Variants in RGS20 observed in about 807,000 individuals in gnomAD.
RGS20 encodes the protein gz-selective GTPase-activating protein.
RGS20 carries 30 observed loss-of-function variants against 33.6 expected under a neutral mutation model. The ratio of observed to expected loss-of-function variants is 0.89; its 90% CI spans 0.67 to 1.21. RGS20 has a LOEUF of 1.21. Among genes scored for constraint, RGS20 ranks in the 50% most tolerant of loss-of-function variants. The pLI is 0.00. For missense variants in RGS20, 472 were observed against 502.4 expected (o/e 0.94, Z 0.58); for synonymous variants, 208 against 197.9 (o/e 1.05, Z -0.43).
chr8:53,944,338 G>A (rs1293032691), intron 3 of RGS20, among the ~76,000 whole-genome samples: 1 of 152,132 alleles, frequency 6.6e-6, no homozygotes, highest in Non-Finnish European at 1.5e-5. Context: ...AGCAATTCAA[G>A]ACCAGCAGGA....
At chr8:53,864,155 G>A (rs1811869720) in intron 1 of RGS20, among the ~76,000 whole-genome samples, 1 of 151,986 alleles carries the variant, frequency 6.6e-6, no homozygotes, top group African/African-American at 2.4e-5. Context: ...TCAGATCATG[G>A]TGGCTCACAC....
At chr8:53,939,814 C>T (rs2129290146) in intron 3 of RGS20, 90 bp downstream of exon 2, 1 of 1,411,822 alleles carries the variant, frequency 7.1e-7, no homozygotes, top group Non-Finnish European at 9.5e-7. Flanking sequence ...AAAGTGGTGG[C>T]AGCTTATGGT....
Position 53,865,413 on chromosome 8 carries a change from C to A in RGS20, c.165+13349C>A, listed in dbSNP as rs564950721. Among the ~76,000 whole-genome samples the A allele has an allele frequency of 5.9e-5, 9 of 152,316 alleles. No homozygotes were observed. The South Asian group carries it at 1.9e-3, about 32-fold the overall frequency. On this transcript the variant is annotated intron_variant, in intron 1 of 5. Coordinates refer to ENST00000297313, the MANE Select transcript of RGS20 (RefSeq NM_170587.4). ...AGATGCATTGTTTAGAAATGTAAAA[C>A]CACATCTATCAAAAAACATTTTTAT...
At chr8:53,880,919 C>T (rs1207752704) in intron 2 of RGS20, 2 of 1,542,556 alleles carry the variant, frequency 1.3e-6, no homozygotes, top group Non-Finnish European at 8.7e-7. Context: ...GAGCAAAGAC[C>T]GAGAGCCGGA....
At position 53,884,191 on chromosome 8, in the gene RGS20, C is replaced by CTTTTTTTT. The variant is rs4014055; in HGVS notation, c.510+4604_510+4611dup. Among the ~76,000 whole-genome samples, 455 of 103,456 alleles carry CTTTTTTTT rather than the reference C, an allele frequency of 4.4e-3. 40 individuals carry two copies. Among genetic ancestry groups the CTTTTTTTT allele is most frequent in the African/African-American group, 0.019 (427 of 22,096 alleles). The allele number at this position is 103,456 out of a possible 152,430, so 67.9% of individuals were successfully genotyped here. A position where few individuals can be genotyped will look rare whatever the true frequency, so the allele number is the denominator to read the frequency against. ...CCATCATCCAAATTAGAAAAACAGT[C>CTTTTTTTT]TTTTTTTTTTTTTTTTTTTTTTGAT... On this transcript the variant is annotated intron_variant, in intron 2 of 5. Transcript: ENST00000297313.
At chr8:53,932,683 G>C (rs887221382) in intron 2 of RGS20, among the ~76,000 whole-genome samples, 4 of 152,236 alleles carry the variant, frequency 2.6e-5, no homozygotes, top group Non-Finnish European at 5.9e-5. Context: ...CCTGGGGGAA[G>C]GGGCAGCTAT....
chr8:53,885,848 T>C (rs1277888245), intron 2 of RGS20, among the ~76,000 whole-genome samples: 1 of 150,586 alleles, frequency 6.6e-6, no homozygotes, highest in Non-Finnish European at 1.5e-5. Context: ...TACCCTACTC[T>C]TGAATACTTT....
At chr8:53,923,596 A>G (rs894915135) in intron 2 of RGS20, among the ~76,000 whole-genome samples, 1 of 149,970 alleles carries the variant, frequency 6.7e-6, no homozygotes, top group Non-Finnish European at 1.5e-5. Flanking sequence ...CTCTGTCTCA[A>G]AAAAAAAAAA....
rs143121150 is a variant in RGS20 at position 53,952,657 on chromosome 8, C to T, written c.744-1419C>T. ...AGGAGAATCACTTGAACCCGGAAGG[C>T]GGAGGTTGCAGTGAGCCGAGATCGT... is the stretch of plus-strand genomic sequence containing the variant. On this transcript the variant is annotated intron_variant, in intron 4 of 5. Transcript: ENST00000297313. 4.8e-3 allele frequency among the ~76,000 whole-genome samples: 734 copies of T among 151,838 alleles called. 2 individuals carry two copies. The highest frequency in any genetic ancestry group is 0.017 in the African/African-American group (702 of 41,426).
chr8:53,862,570 C>T (rs1811833322), intron 1 of RGS20, among the ~76,000 whole-genome samples: 1 of 152,158 alleles, frequency 6.6e-6, no homozygotes, highest in African/African-American at 2.4e-5. Context: ...CCCTGTAATG[C>T]CAGCACTTTA....
intron 2 of RGS20, among the ~76,000 whole-genome samples, chr8:53,901,228 C>T (rs749226431): frequency 7.2e-5 from 11 of 151,926 alleles, no homozygotes; most frequent in African/African-American, 1.9e-4. Flanking sequence ...TCACCACGCC[C>T]GGCTAATTTT....
chr8:53,860,654 T>C lies in RGS20; in HGVS notation c.165+8590T>C, dbSNP rs1052940509. Among the ~76,000 whole-genome samples the C allele has an allele frequency of 3.9e-5, 6 of 152,284 alleles. No homozygotes were observed. In the East Asian group the frequency reaches 1.2e-3, roughly 29 times the overall value. ...GAGAGAGGATCTGGCCCAGTATAGA[T>C]GTGGTCTCTGTCTCAAGATCCATCA... On this transcript the variant is annotated intron_variant, in intron 1 of 5. Transcript: ENST00000297313.
rs543198027 is a variant in RGS20 at position 53,870,467 on chromosome 8, A to G, written c.166-8791A>G. 6.6e-5 allele frequency among the ~76,000 whole-genome samples: 10 copies of G among 152,372 alleles called. No homozygotes were observed. The South Asian group carries it at 1.4e-3, about 22-fold the overall frequency. On this transcript the variant is annotated intron_variant, in intron 1 of 5. Coordinates refer to ENST00000297313, the MANE Select transcript of RGS20 (RefSeq NM_170587.4). ...GCATATGAGACTAATGCCTGCATGC[A>G]TCATTATCGTATGGAATAAATAATG...
At position 53,957,348 on chromosome 8, in the gene RGS20, G is replaced by A. The variant is rs901876917; in HGVS notation, c.979-922G>A. Among the ~76,000 whole-genome samples the A allele has an allele frequency of 6.6e-5, 10 of 152,276 alleles. No homozygotes were observed. The East Asian group carries it at 9.7e-4, about 15-fold the overall frequency. On this transcript the variant is annotated intron_variant, in intron 5 of 5. Coordinates refer to ENST00000297313, the MANE Select transcript of RGS20 (RefSeq NM_170587.4). ...TTGCCATGTTGGCCAGGCTGGTTTC[G>A]AACTCCACAGCGCTGGGATTACAGG...
At chr8:53,907,395 G>A (rs1380391622) in intron 2 of RGS20, among the ~76,000 whole-genome samples, 1 of 152,036 alleles carries the variant, frequency 6.6e-6, no homozygotes, top group Non-Finnish European at 1.5e-5. Context: ...GACCAGCCTG[G>A]CCAACATGGT....
intron 1 of RGS20, among the ~76,000 whole-genome samples, chr8:53,873,775 A>T (rs920229706): frequency 6.6e-6 from 1 of 152,254 alleles, no homozygotes; most frequent in Non-Finnish European, 1.5e-5. Flanking sequence ...CTATAGAAAA[A>T]AAACTGTATT....
In RGS20 at chr8:53,948,615, TG is replaced by T. The variant is rs1563432640; in HGVS notation, c.743+1868del. 1.5e-4 allele frequency among the ~76,000 whole-genome samples: 17 copies of T among 117,034 alleles called. No individual in the cohort carries two copies. In the Admixed American group the frequency reaches 1.5e-3, roughly 10 times the overall value. The allele number at this position is 117,034 out of a possible 152,430, so 76.8% of individuals were successfully genotyped here. ...AGTACATATTTACATATGCTATATA[TG>T]ATACAGTACATATTTACATATGCTA... On this transcript the variant is annotated intron_variant, in intron 4 of 5. Coordinates refer to ENST00000297313, the MANE Select transcript of RGS20 (RefSeq NM_170587.4).
intron 1 of RGS20, among the ~76,000 whole-genome samples, chr8:53,853,856 T>C (rs1227996214): frequency 6.6e-6 from 1 of 152,172 alleles, no homozygotes; most frequent in African/African-American, 2.4e-5. Flanking sequence ...ATCAGTAAGA[T>C]ATTAGGGGAG....
intron 2 of RGS20, among the ~76,000 whole-genome samples, chr8:53,904,480 C>CT (rs1352552455): frequency 1.3e-5 from 2 of 152,130 alleles, no homozygotes; most frequent in Non-Finnish European, 2.9e-5. Context: ...AGTGATTTGG[C>CT]TGTTTTTTTC....
Sources: gnomAD v4.1 joint callset for allele counts (sites outside exome capture counted in the v4.1 genomes callset) on GRCh38, gnomAD v4.1.1 for gene constraint, MANE v1.5 for transcripts, NCBI Gene and HGNC (gene_info 2026-07-23, HGNC 2026-07-21) for gene names.